Variants in SPART observed in about 807,000 individuals in gnomAD.
SPART encodes the protein spartin.
In SPART, 35 loss-of-function variants were observed where a neutral mutation model predicts 58.7. The ratio of observed to expected loss-of-function variants is 0.60; its 90% CI spans 0.46 to 0.79. The LOEUF is 0.79. SPART is among the 30% of genes least tolerant of loss of function. The pLI is 0.00. For missense variants in SPART, 730 were observed against 786.1 expected (o/e 0.93, Z 0.85); for synonymous variants, 284 against 280.7 (o/e 1.01, Z -0.12).
rs1198145575 is a variant in SPART at position 36,346,287 on chromosome 13, G to A, written c.-65C>T. ...CGAGAGCTCCCTGCGCGGCCGCCGCGGCACGGACCAGCTCCCACTCCCTTA... is the reference window on the plus strand; with the variant it reads ...CGAGAGCTCCCTGCGCGGCCGCCGCAGCACGGACCAGCTCCCACTCCCTTA... On this transcript the variant is annotated 5_prime_UTR_variant, in exon 1 of 9. Transcript: ENST00000438666. The A allele has an allele frequency of 1.3e-5, 2 of 152,020 alleles. No individual in the cohort carries two copies. The highest frequency in any genetic ancestry group is 3.9e-4 in the East Asian group (2 of 5,088). 9.4% of individuals were successfully genotyped at this position (152,020 alleles called of 1,614,324 possible).
rs2274293 is a variant in SPART at position 36,312,332 on chromosome 13, T to C, written c.1629A>G (p.Ala543=). ...SPLDGAMVVA[A]SSVQGFSTVW... is the part of the protein sequence containing the mutation. The stretch of plus-strand genomic sequence containing the variant: ...GCCCTTTGTTACCTTGAACACTACT[T>C]GCTGCTACAACCATAGCACCATCCA... The change falls in exon 7 of 9, where the codon GCA becomes GCG. Residue 543 remains alanine (A), a synonymous_variant. Transcript: ENST00000438666. 441,285 of 1,613,634 alleles carry C rather than the reference T, an allele frequency of 0.27. 62,789 individuals carry two copies. Among genetic ancestry groups the C allele is most frequent in the East Asian group, 0.5 (22,502 of 44,812 alleles).
At chr13:36,321,106 G>A (rs1037997530) in intron 5 of SPART, among the ~76,000 whole-genome samples, 10 of 152,132 alleles carry the variant, frequency 6.6e-5, no homozygotes, top group Non-Finnish European at 1.2e-4. Flanking sequence ...CCGTACAGAC[G>A]CTCCTTATTA....
At chr13:36,345,389 GTCT>G (rs1367603385) in intron 1 of SPART, 1 of 152,162 alleles carries the variant, frequency 6.6e-6, no homozygotes, top group Admixed American at 6.5e-5. Context: ...TATAGGTGCA[GTCT>G]TCTATTACTT....
chr13:36,342,208 T>C (rs906094268), intron 1 of SPART, among the ~76,000 whole-genome samples: 1 of 152,226 alleles, frequency 6.6e-6, no homozygotes, highest in Non-Finnish European at 1.5e-5. Context: ...GCTAGGTGTT[T>C]ATCTCAATCC....
intron 1 of SPART, among the ~76,000 whole-genome samples, chr13:36,354,322 A>G (rs1176362471): frequency 1.3e-5 from 2 of 152,148 alleles, no homozygotes; most frequent in South Asian, 2.1e-4. Flanking sequence ...GATTGCTTAG[A>G]CCCTGCACTG....
rs536625208 is a variant in SPART, at chr13:36,303,436, A to T, written c.*929T>A. On this transcript the variant is annotated 3_prime_UTR_variant, in exon 9 of 9. Coordinates refer to ENST00000438666, the MANE Select transcript of SPART (RefSeq NM_015087.5). ...TAAGGTTTTCATATTCTTTACCCTGATTATGAATAGAACCTTTCCTTTTTA... is the reference window on the plus strand; with the variant it reads ...TAAGGTTTTCATATTCTTTACCCTGTTTATGAATAGAACCTTTCCTTTTTA... 2.6e-5 allele frequency: 4 copies of T among 152,272 alleles called. No homozygotes were observed. In the East Asian group the frequency reaches 7.7e-4, roughly 29 times the overall value. 9.4% of individuals were successfully genotyped at this position (152,272 alleles called of 1,614,324 possible). A position where few individuals can be genotyped will look rare whatever the true frequency, so the allele number is the denominator to read the frequency against.
intron 1 of SPART, chr13:36,336,215 AT>A (rs1333037200): frequency 1.8e-5 from 3 of 165,384 alleles, no homozygotes; most frequent in Non-Finnish European, 3.9e-5. Context: ...TATCCAGCCA[AT>A]AAAAAATGAA....
chr13:36,342,139 G>A (rs1417671829), intron 1 of SPART, among the ~76,000 whole-genome samples: 1 of 152,162 alleles, frequency 6.6e-6, no homozygotes, highest in Non-Finnish European at 1.5e-5. Flanking sequence ...TGCTACATAC[G>A]ATAGGACACC....
At chr13:36,310,111 G>A (rs1341984307) in intron 8 of SPART, among the ~76,000 whole-genome samples, 4 of 151,872 alleles carry the variant, frequency 2.6e-5, no homozygotes, top group South Asian at 2.1e-4. Flanking sequence ...TTTACATTTC[G>A]GTTTCCTCAT....
chr13:36,335,361 G>A lies in SPART; in HGVS notation c.470C>T (p.Ala157Val), dbSNP rs1361856280. The A allele has an allele frequency of 5.0e-6, 8 of 1,614,018 alleles. No individual in the cohort carries two copies. Among genetic ancestry groups the A allele is most frequent in the African/African-American group, 2.7e-5 (2 of 74,920 alleles). The change falls in exon 2 of 9, where the codon GCT becomes GTT. Residue 157 changes from alanine to valine, a missense_variant. Ala to Val is a moderately conservative substitution (Grantham distance 64, BLOSUM62 0). Transcript: ENST00000438666. ...TPSAGAVAAP[A>V]SLSLPSQSCP... is the part of the protein sequence containing the mutation. ...ACTTTGTGATGGTAAAGACAGAGAA[G>A]CAGGTGCAGCAACTGCCCCTGCACT...
upstream of SPART, among the ~76,000 whole-genome samples, chr13:36,347,014 A>G (rs1257826256): frequency 2.0e-5 from 3 of 152,222 alleles, no homozygotes; most frequent in African/African-American, 7.2e-5. Flanking sequence ...TATCACTATC[A>G]TAAAACTGTT....
intron 1 of SPART, among the ~76,000 whole-genome samples, chr13:36,357,420 G>C (rs902812839): frequency 6.6e-6 from 1 of 152,172 alleles, no homozygotes; most frequent in African/African-American, 2.4e-5. Flanking sequence ...TGAAGGTATG[G>C]CCTCCTCGGA....
chr13:36,317,568 C>A (rs1336541492), intron 5 of SPART, among the ~76,000 whole-genome samples: 7 of 151,448 alleles, frequency 4.6e-5, no homozygotes, highest in African/African-American at 1.7e-4. Flanking sequence ...ATTTCTGCAC[C>A]CCATCCCTTA....
chr13:36,323,375 G>T (rs1290867581), intron 5 of SPART, among the ~76,000 whole-genome samples: 2 of 152,176 alleles, frequency 1.3e-5, no homozygotes, highest in African/African-American at 2.4e-5. Context: ...GGCTCTACTC[G>T]ATTGATACTG....
upstream of SPART, among the ~76,000 whole-genome samples, chr13:36,349,172 AG>A (rs1885315135): frequency 6.6e-6 from 1 of 152,192 alleles, no homozygotes; most frequent in Non-Finnish European, 1.5e-5. Context: ...CTGAGGCAGG[AG>A]ACTCACTTGA....
rs751239268 is a variant in SPART at position 36,356,156 on chromosome 13, C to T, written c.-3+13933G>A. On this transcript the variant is annotated intron_variant, in intron 1 of 8. Transcript: ENST00000355182. ...ATGGGTGCTTAATTGCCTTCTACTC[C>T]GGAGTCTACAATATCAATTACCCCC... is the stretch of plus-strand genomic sequence containing the variant. Among the ~76,000 whole-genome samples the T allele has an allele frequency of 3.9e-5, 6 of 152,138 alleles. No homozygotes were observed. In the East Asian group the frequency reaches 7.7e-4, roughly 20 times the overall value.
chr13:36,333,316 A>G (rs529864558), intron 2 of SPART, among the ~76,000 whole-genome samples: 2 of 152,242 alleles, frequency 1.3e-5, no homozygotes, highest in Admixed American at 6.5e-5. Context: ...CCAGAATTCT[A>G]TCTACCTAAA....
At chr13:36,335,894 C>A in intron 1 of SPART, 62 bp from the exon 2 acceptor site, 1 of 1,277,886 alleles carries the variant, frequency 7.8e-7, no homozygotes, top group Non-Finnish European at 1.1e-6. Context: ...TGATTCGTAT[C>A]TCCTACCTGA....
In SPART at chr13:36,314,120, T is replaced by G. The variant is rs58765311; in HGVS notation, c.1483+107A>C. The G allele has an allele frequency of 1.2e-4, 138 of 1,165,860 alleles. No homozygotes were observed. In the African/African-American group the frequency reaches 1.9e-3, roughly 16 times the overall value. The allele number at this position is 1,165,860 out of a possible 1,614,324, so 72.2% of individuals were successfully genotyped here. A position where few individuals can be genotyped will look rare whatever the true frequency, so the allele number is the denominator to read the frequency against. On this transcript the variant is annotated intron_variant, in intron 6 of 8. Transcript: ENST00000438666. Reference sequence around the variant, plus strand: ...AAGAGAAACTGCTTTGTCCTAATTCTTTATTCTTGAGATTAAACCATCTAA... The same window carrying G: ...AAGAGAAACTGCTTTGTCCTAATTCGTTATTCTTGAGATTAAACCATCTAA...
Sources: allele counts gnomAD v4.1 joint callset (sites outside exome capture counted in the v4.1 genomes callset), GRCh38; gene constraint gnomAD v4.1.1; transcripts MANE v1.5; gene names NCBI Gene and HGNC (gene_info 2026-07-23, HGNC 2026-07-21).